Variants in MFGE8 observed in about 807,000 individuals in gnomAD.
MFGE8 encodes lactadherin.
Under a neutral mutation model 42.6 loss-of-function variants are expected in MFGE8, and 34 were observed. The observed-to-expected ratio is 0.80, with a 90% CI of 0.61 to 1.06. The LOEUF (loss-of-function observed/expected upper bound fraction) is 1.06. Among genes scored for constraint, MFGE8 ranks in the 50% least tolerant of loss-of-function variants. The pLI, the probability that MFGE8 is intolerant of heterozygous loss-of-function variation, is 0.00. For missense variants in MFGE8, 510 were observed against 516.9 expected (o/e 0.99, Z 0.13); for synonymous variants, 230 against 214.8 (o/e 1.07, Z -0.62).
intron 6 of MFGE8, among the ~76,000 whole-genome samples, chr15:88,900,174 G>A (rs999544987): frequency 4.0e-5 from 6 of 151,718 alleles, no homozygotes; most frequent in East Asian, 1.9e-4. Context: ...CCTGGGAGGC[G>A]GAGGTTGCGG....
chr15:88,901,873 A>C, intron 5 of MFGE8, 138 bp from the exon 6 acceptor site: 1 of 860,338 alleles, frequency 1.2e-6, no homozygotes, highest in African/African-American at 1.7e-5. Context: ...AAGCAGCTCC[A>C]TCCGCCTTGC....
At position 88,905,521 on chromosome 15, in the gene MFGE8, T is replaced by C. The variant is rs1184137713; in HGVS notation, c.685+236A>G. 1 of 687,900 alleles carries C rather than the reference T, an allele frequency of 1.5e-6. No individual in the cohort carries two copies. The highest frequency in any genetic ancestry group is 2.7e-6 in the Non-Finnish European group (1 of 377,322). The allele number at this position is 687,900 out of a possible 1,614,324, so 42.6% of individuals were successfully genotyped here. On this transcript the variant is annotated intron_variant, in intron 5 of 7. Transcript: ENST00000268150. This position sits in a 1 kb window ranked among gnomAD's most constrained non-coding sequence, Gnocchi z 6.6. ...GAAGGGAAAATACTTTGAAAACTGA[T>C]GTCTTTTTCTCTATCAATCAGAATG...
In MFGE8 at chr15:88,901,733, A is replaced by C; in HGVS notation, c.688T>G (p.Cys230Gly). ...FELLGCELNGCANPLGLKNNS... is the reference protein window; with the variant it reads ...FELLGCELNGGANPLGLKNNS... Reference sequence around the variant, plus strand: ...TTCTTCAGGCCCAGGGGATTGGCGCATCCTGCCAGCAAGGTGGGCTGTCAT... The same window carrying C: ...TTCTTCAGGCCCAGGGGATTGGCGCCTCCTGCCAGCAAGGTGGGCTGTCAT... Residue 230 changes from cysteine (C) to glycine (G), a missense_variant and splice_region_variant, in exon 6 of 8, where the codon TGC (cysteine) becomes GGC (glycine). By Grantham distance (159) the Cys-to-Gly change is radical. Coordinates refer to ENST00000268150, the MANE Select transcript of MFGE8 (RefSeq NM_005928.4). The C allele has an allele frequency of 6.2e-7, 1 of 1,613,966 alleles. No homozygotes were observed. The highest frequency in any genetic ancestry group is 8.5e-7 in the Non-Finnish European group (1 of 1,179,988).
intron 1 of MFGE8, among the ~76,000 whole-genome samples, chr15:88,911,328 C>T (rs377758675): frequency 2.0e-5 from 3 of 152,152 alleles, no homozygotes; most frequent in Non-Finnish European, 2.9e-5. Flanking sequence ...TCTGGTGGGT[C>T]GGCCGGGCCC....
At chr15:88,910,426 C>T in intron 1 of MFGE8, 1 of 237,222 alleles carries the variant, frequency 4.2e-6, no homozygotes, top group Non-Finnish European at 8.3e-6. Context: ...GCAGCCCTGA[C>T]TCAGGAACAG....
In MFGE8 at chr15:88,901,696, G is replaced by C. The variant is rs1898442178; in HGVS notation, c.725C>G (p.Pro242Arg). The part of the protein sequence containing the change: ...NPLGLKNNSI[P>R]DKQITASSSY... ...GCTGGAGGCCGTGATCTGCTTGTCAGGGATGCTGTTATTCTTCAGGCCCAG... is the reference window on the plus strand; with the variant it reads ...GCTGGAGGCCGTGATCTGCTTGTCACGGATGCTGTTATTCTTCAGGCCCAG... The change falls in exon 6 of 8, where the codon CCT becomes CGT. Residue 242 changes from proline to arginine, a missense_variant. Coordinates refer to ENST00000268150, the MANE Select transcript of MFGE8 (RefSeq NM_005928.4). The C allele has an allele frequency of 6.2e-7, 1 of 1,613,688 alleles. No individual in the cohort carries two copies. The highest frequency in any genetic ancestry group is 1.7e-5 in the Admixed American group (1 of 59,944).
chr15:88,907,081 T>C (rs1878328), intron 3 of MFGE8, 114 bp downstream of exon 3: 858,562 of 1,341,628 alleles, frequency 0.64, 277,928 homozygotes, highest in African/African-American at 0.78. Context: ...TGGGAACCTG[T>C]TACCTTGCCA....
Position 88,901,742 on chromosome 15 carries a change from G to C in MFGE8, c.686-7C>G. On this transcript the variant is annotated splice_region_variant and splice_polypyrimidine_tract_variant and intron_variant, in intron 5 of 7. Transcript: ENST00000268150. The stretch of plus-strand genomic sequence containing the variant: ...CCCAGGGGATTGGCGCATCCTGCCA[G>C]CAAGGTGGGCTGTCATCTGGATCTG... 3 of 1,613,924 alleles carry C rather than the reference G, an allele frequency of 1.9e-6. No individual in the cohort carries two copies. The highest frequency in any genetic ancestry group is 2.5e-6 in the Non-Finnish European group (3 of 1,179,942).
Position 88,903,339 on chromosome 15 carries a change from C to A in MFGE8, c.686-1604G>T, listed in dbSNP as rs1181339247. The A allele has an allele frequency of 2.6e-5, 4 of 152,012 alleles. No individual in the cohort carries two copies. The highest frequency in any genetic ancestry group is 9.7e-5 in the African/African-American group (4 of 41,356). The allele number at this position is 152,012 out of a possible 1,614,324, so 9.4% of individuals were successfully genotyped here. On this transcript the variant is annotated intron_variant, in intron 5 of 7. Coordinates refer to ENST00000268150, the MANE Select transcript of MFGE8 (RefSeq NM_005928.4). The surrounding 1 kb of genome is among the most constrained non-coding windows in gnomAD (Gnocchi z 4.9). ...CACTCTAGGAAGTCCCTTCCTCTCT[C>A]TGGCTCTCAGTCTCCCCATCTATAA...
At position 88,899,886 on chromosome 15, in the gene MFGE8, G is replaced by A. The variant is rs1898280027; in HGVS notation, c.871-75C>T. The A allele has an allele frequency of 1.9e-6, 3 of 1,568,034 alleles. No individual in the cohort carries two copies. The African/African-American group carries it at 4.1e-5, about 21-fold the overall frequency. ...GGTGAAAAGAGGCAGACACACTGAG[G>A]CATGAATTCTAGTTTTGAAAAAAAC... On this transcript the variant is annotated intron_variant, in intron 6 of 7. Transcript: ENST00000268150. The surrounding 1 kb of genome is among the most constrained non-coding windows in gnomAD (Gnocchi z 6.8).
chr15:88,909,885 A>T lies in MFGE8; in HGVS notation c.112T>A (p.Cys38Ser). The T allele has an allele frequency of 6.2e-7, 1 of 1,614,214 alleles. No homozygotes were observed. The highest frequency in any genetic ancestry group is 1.1e-5 in the South Asian group (1 of 91,080). ...SKNPCHNGGL[C>S]EEISQEVRGD... ...CGCACTTCTTGGGAAATCTCCTCGCATAAACCACCGTTGTGGCAGGGGTTT... is the reference window on the plus strand; with the variant it reads ...CGCACTTCTTGGGAAATCTCCTCGCTTAAACCACCGTTGTGGCAGGGGTTT... Residue 38 changes from cysteine (C) to serine (S), a missense_variant, in exon 2 of 8, where the codon TGC (cysteine) becomes AGC (serine). Transcript: ENST00000268150.
At position 88,903,004 on chromosome 15, in the gene MFGE8, G is replaced by A. The variant is rs1253308365; in HGVS notation, c.686-1269C>T. On this transcript the variant is annotated intron_variant, in intron 5 of 7. Transcript: ENST00000268150. This position sits in a 1 kb window ranked among gnomAD's most constrained non-coding sequence, Gnocchi z 4.9. ...GGTGTGTTGACAATGCCTGCTGATG[G>A]TACCATCATCTCCTGATGGTGATGC... The A allele has an allele frequency of 6.6e-6, 1 of 152,178 alleles. No homozygotes were observed. The highest frequency in any genetic ancestry group is 6.6e-5 in the Admixed American group (1 of 15,250). 9.4% of individuals were successfully genotyped at this position (152,178 alleles called of 1,614,324 possible).
intron 6 of MFGE8, among the ~76,000 whole-genome samples, chr15:88,901,005 A>T (rs1174518357): frequency 1.1e-4 from 5 of 45,990 alleles, no homozygotes; most frequent in East Asian, 3.6e-4. Context: ...ACACACATTC[A>T]CACACACACA....
intron 2 of MFGE8, among the ~76,000 whole-genome samples, chr15:88,908,192 T>C (rs1470551520): frequency 6.6e-6 from 1 of 151,950 alleles, no homozygotes; most frequent in African/African-American, 2.4e-5. Context: ...CACCTGGGGA[T>C]CCCCCCAGCG....
chr15:88,905,511 T>G lies in MFGE8; in HGVS notation c.685+246A>C. ...CCAACCAGAAGAAGGGAAAATACTT[T>G]GAAAACTGATGTCTTTTTCTCTATC... On this transcript the variant is annotated intron_variant, in intron 5 of 7. Coordinates refer to ENST00000268150, the MANE Select transcript of MFGE8 (RefSeq NM_005928.4). The surrounding 1 kb of genome is among the most constrained non-coding windows in gnomAD (Gnocchi z 6.6). 1.5e-6 allele frequency: 1 copy of G among 675,350 alleles called. No individual in the cohort carries two copies. Among genetic ancestry groups the G allele is most frequent in the Non-Finnish European group, 2.7e-6 (1 of 368,964 alleles). The allele number at this position is 675,350 out of a possible 1,614,324, so 41.8% of individuals were successfully genotyped here.
In MFGE8 at chr15:88,901,233, A is replaced by T. The variant is rs1205987291; in HGVS notation, c.870+318T>A. 2.9e-4 allele frequency among the ~76,000 whole-genome samples: 17 copies of T among 58,222 alleles called. 1 individual carries two copies. In the South Asian group the frequency reaches 5.0e-3, roughly 17 times the overall value. 38.2% of individuals were successfully genotyped at this position (58,222 alleles called of 152,430 possible). On this transcript the variant is annotated intron_variant, in intron 6 of 7. Coordinates refer to ENST00000268150, the MANE Select transcript of MFGE8 (RefSeq NM_005928.4). ...CACACACATTCACACATACACATTC[A>T]CACACACATTCACACGCACGCATTC...
At position 88,902,160 on chromosome 15, in the gene MFGE8, C is replaced by T. The variant is rs572110935; in HGVS notation, c.686-425G>A. 20 of 228,288 alleles carry T rather than the reference C, an allele frequency of 8.8e-5. No individual in the cohort carries two copies. The highest frequency in any genetic ancestry group is 3.3e-4 in the African/African-American group (15 of 45,044). The allele number at this position is 228,288 out of a possible 1,614,324, so 14.1% of individuals were successfully genotyped here. On this transcript the variant is annotated intron_variant, in intron 5 of 7. Transcript: ENST00000268150. The surrounding 1 kb of genome is among the most constrained non-coding windows in gnomAD (Gnocchi z 4.3). ...CCCATCGCCTCGGCCTCCCATCCGT[C>T]CCATGGCACAGTCACTATCTACTTT... is the stretch of plus-strand genomic sequence containing the variant.
intron 1 of MFGE8, 75 bp downstream of exon 1, chr15:88,913,172 G>T: frequency 6.8e-7 from 1 of 1,472,312 alleles, no homozygotes; most frequent in South Asian, 1.3e-5. Flanking sequence ...TGGAGGTGGA[G>T]GGCGGGCGCC....
In MFGE8 at chr15:88,906,256, C is replaced by T. The variant is rs1596196882; in HGVS notation, c.541-355G>A. 2.2e-6 allele frequency: 1 copy of T among 454,838 alleles called. No individual in the cohort carries two copies. The highest frequency in any genetic ancestry group is 4.6e-5 in the East Asian group (1 of 21,750). The allele number at this position is 454,838 out of a possible 1,614,324, so 28.2% of individuals were successfully genotyped here. A position where few individuals can be genotyped will look rare whatever the true frequency, so the allele number is the denominator to read the frequency against. ...TTTCTGACAGAGTTCCACAAATGTA[C>T]AATGCCTGTACTGTGAATGGTGCCT... On this transcript the variant is annotated intron_variant, in intron 4 of 7. Transcript: ENST00000268150. The surrounding 1 kb of genome is among the most constrained non-coding windows in gnomAD (Gnocchi z 4.2).
Sources: gnomAD v4.1 joint callset for allele counts (sites outside exome capture counted in the v4.1 genomes callset) on GRCh38, gnomAD v4.1.1 for gene constraint, Gnocchi (gnomAD v3.1) non-coding constraint, MANE v1.5 for transcripts, NCBI Gene and HGNC (gene_info 2026-07-23, HGNC 2026-07-21) for gene names.